Variants in HS6ST3 observed in about 807,000 individuals in gnomAD.
The protein encoded by HS6ST3 is heparan sulfate 6-O-sulfotransferase 3.
HS6ST3 carries 12 observed loss-of-function variants against 36.7 expected under a neutral mutation model. That is an observed-to-expected ratio of 0.33 (90% CI 0.21 to 0.53). The LOEUF (loss-of-function observed/expected upper bound fraction) is 0.53, where lower values mean the gene tolerates loss of function less well. HS6ST3 is among the 20% of genes least tolerant of loss of function. HS6ST3 has a pLI of 0.95. For missense variants in HS6ST3, 584 were observed against 640.9 expected (o/e 0.91, Z 0.96); for synonymous variants, 240 against 257.5 (o/e 0.93, Z 0.65).
At chr13:96,225,416 G>GT (rs576644026) in intron 1 of HS6ST3, among the ~76,000 whole-genome samples, 2 of 152,104 alleles carry the variant, frequency 1.3e-5, no homozygotes, top group African/African-American at 4.8e-5. Context: ...TTTAAGTATT[G>GT]TTTTTTTCCC....
intron 1 of HS6ST3, among the ~76,000 whole-genome samples, chr13:96,731,279 C>T (rs1253813125): frequency 4.6e-5 from 7 of 152,184 alleles, no homozygotes; most frequent in Non-Finnish European, 7.3e-5. Flanking sequence ...AACCACCATT[C>T]AACTATTTCC....
At chr13:96,420,441 A>G (rs181309861) in intron 1 of HS6ST3, among the ~76,000 whole-genome samples, 6 of 152,248 alleles carry the variant, frequency 3.9e-5, no homozygotes, top group East Asian at 1.9e-4. Context: ...TGAATGTACT[A>G]TAACATATCA....
intron 1 of HS6ST3, among the ~76,000 whole-genome samples, chr13:96,264,380 T>C (rs7322488): frequency 0.055 from 8,361 of 152,246 alleles, 310 homozygotes; most frequent in East Asian, 0.15. Context: ...CTCCAGAGCC[T>C]GTAAAACCAA....
At chr13:96,721,239 C>A (rs143796794) in intron 1 of HS6ST3, among the ~76,000 whole-genome samples, 23 of 152,254 alleles carry the variant, frequency 1.5e-4, no homozygotes, top group Non-Finnish European at 2.9e-4. Flanking sequence ...CAAGACACAG[C>A]ATTTTTATAT....
At chr13:96,529,630 T>C (rs1181601124) in intron 1 of HS6ST3, among the ~76,000 whole-genome samples, 2 of 152,180 alleles carry the variant, frequency 1.3e-5, no homozygotes, top group Non-Finnish European at 2.9e-5. Flanking sequence ...GTCTTGATCT[T>C]CATAGCCATT....
chr13:96,493,794 G>A (rs1252585522), intron 1 of HS6ST3, among the ~76,000 whole-genome samples: 1 of 152,058 alleles, frequency 6.6e-6, no homozygotes, highest in East Asian at 1.9e-4. Context: ...TCAGAGTAGT[G>A]GAAGGTATAG....
chr13:96,307,322 C>T (rs146917696), intron 1 of HS6ST3, among the ~76,000 whole-genome samples: 1 of 152,188 alleles, frequency 6.6e-6, no homozygotes, highest in African/African-American at 2.4e-5. Context: ...GAGCAATAGC[C>T]ACGCATTTCT....
intron 1 of HS6ST3, among the ~76,000 whole-genome samples, chr13:96,126,707 A>G (rs150766337): frequency 6.6e-6 from 1 of 151,528 alleles, no homozygotes; most frequent in East Asian, 1.9e-4. Flanking sequence ...GAACAATTGT[A>G]CTCCCCAATC....
At chr13:96,219,250 G>T (rs1345407621) in intron 1 of HS6ST3, among the ~76,000 whole-genome samples, 1 of 152,086 alleles carries the variant, frequency 6.6e-6, no homozygotes, top group Non-Finnish European at 1.5e-5. Flanking sequence ...CTGATATTTT[G>T]TAACATGTGT....
At chr13:96,173,130 T>C (rs1040850793) in intron 1 of HS6ST3, among the ~76,000 whole-genome samples, 2 of 152,162 alleles carry the variant, frequency 1.3e-5, no homozygotes, top group Admixed American at 6.5e-5. Flanking sequence ...TGCTGATAGA[T>C]ATATGTGCTG....
At chr13:96,140,188 A>G (rs761455322) in intron 1 of HS6ST3, among the ~76,000 whole-genome samples, 1 of 152,222 alleles carries the variant, frequency 6.6e-6, no homozygotes, top group African/African-American at 2.4e-5. Context: ...ACAAACACAT[A>G]CCATACATAC....
At chr13:96,652,029 T>C (rs2056609308) in intron 1 of HS6ST3, among the ~76,000 whole-genome samples, 1 of 152,098 alleles carries the variant, frequency 6.6e-6, no homozygotes, top group African/African-American at 2.4e-5. Flanking sequence ...GGCATATATA[T>C]ACATGACAAA....
At chr13:96,642,287 T>A (rs1264713937) in intron 1 of HS6ST3, among the ~76,000 whole-genome samples, 1 of 151,898 alleles carries the variant, frequency 6.6e-6, no homozygotes, top group South Asian at 2.1e-4. Context: ...AATCACTTCT[T>A]TCTTGCCTCT....
At chr13:96,179,528 A>G (rs1310848608) in intron 1 of HS6ST3, among the ~76,000 whole-genome samples, 1 of 152,192 alleles carries the variant, frequency 6.6e-6, no homozygotes, top group Non-Finnish European at 1.5e-5. Context: ...TGCTGGGCCC[A>G]CTGTGGGGAA....
chr13:96,397,467 A>G (rs1475276802), intron 1 of HS6ST3, among the ~76,000 whole-genome samples: 1 of 152,190 alleles, frequency 6.6e-6, no homozygotes, highest in African/African-American at 2.4e-5. Flanking sequence ...CTTCAAGCAT[A>G]TAAATGCCCA....
chr13:96,417,623 T>TGTGTGTAC (rs1676724970), intron 1 of HS6ST3, among the ~76,000 whole-genome samples: 1 of 138,104 alleles, frequency 7.2e-6, no homozygotes, highest in African/African-American at 2.7e-5. Flanking sequence ...TGTGTGTGTG[T>TGTGTGTAC]ACATATATAT....
At chr13:96,321,309 C>G (rs2055001824) in intron 1 of HS6ST3, among the ~76,000 whole-genome samples, 1 of 152,146 alleles carries the variant, frequency 6.6e-6, no homozygotes, top group African/African-American at 2.4e-5. Flanking sequence ...AAGATTGTCT[C>G]ACTTTACAGC....
chr13:96,104,464 A>G (rs1190790004), intron 1 of HS6ST3, among the ~76,000 whole-genome samples: 1 of 152,152 alleles, frequency 6.6e-6, no homozygotes, highest in Non-Finnish European at 1.5e-5. Context: ...TCACGCTTTG[A>G]CATTTGTGGA....
chr13:96,554,206 C>A (rs1049139866), intron 1 of HS6ST3, among the ~76,000 whole-genome samples: 3 of 151,982 alleles, frequency 2.0e-5, no homozygotes, highest in African/African-American at 7.3e-5. Flanking sequence ...AAACAAGGAG[C>A]AATAGAAAGA....
Sources: allele counts gnomAD v4.1 joint callset (sites outside exome capture counted in the v4.1 genomes callset), GRCh38; gene constraint gnomAD v4.1.1; transcripts MANE v1.5; gene names NCBI Gene and HGNC (gene_info 2026-07-23, HGNC 2026-07-21).